Variants in FAM135B observed in about 807,000 individuals in gnomAD.
The protein encoded by FAM135B is family with sequence similarity 135 member B, also known as protein FAM135B.
In FAM135B, 43 loss-of-function variants were observed where a neutral mutation model predicts 127.7. The ratio of observed to expected loss-of-function variants is 0.34; its 90% CI spans 0.26 to 0.43. The LOEUF (loss-of-function observed/expected upper bound fraction) is 0.43. Ranked by LOEUF, FAM135B falls within the 20% of genes least tolerant of loss-of-function variation. The pLI is 1.00. For synonymous variants in FAM135B, 670 were observed against 665.1 expected, an observed-to-expected ratio of 1.01 and a Z score of -0.11; for missense variants, 1,558 against 1,725.6, an observed-to-expected ratio of 0.90 and a Z score of 1.72.
At chr8:138,142,959 C>A (rs754274515) in intron 16 of FAM135B, 53 bp downstream of exon 16, 25 of 939,938 alleles carry the variant, frequency 2.7e-5, no homozygotes, top group Admixed American at 5.1e-5. Context: ...AGCAAACACT[C>A]AAAAATGTCC....
chr8:138,315,799 T>C (rs1440791919), intron 2 of FAM135B, among the ~76,000 whole-genome samples: 1 of 152,076 alleles, frequency 6.6e-6, no homozygotes, highest in Non-Finnish European at 1.5e-5. Flanking sequence ...AGAACATTTT[T>C]AAAAAAGGAA....
At chr8:138,302,540 T>C (rs1253370705) in intron 3 of FAM135B, among the ~76,000 whole-genome samples, 1 of 150,234 alleles carries the variant, frequency 6.7e-6, no homozygotes, top group Non-Finnish European at 1.5e-5. Context: ...TGACTCCAAG[T>C]GAGCCAAAGT....
chr8:138,444,325 C>T (rs1835979218), intron 1 of FAM135B, among the ~76,000 whole-genome samples: 1 of 152,142 alleles, frequency 6.6e-6, no homozygotes, highest in Non-Finnish European at 1.5e-5. Context: ...CAGAACTCTC[C>T]ACCCCAAATC....
chr8:138,323,514 C>G (rs1381896464), intron 2 of FAM135B, among the ~76,000 whole-genome samples: 2 of 152,300 alleles, frequency 1.3e-5, no homozygotes, highest in African/African-American at 2.4e-5. Context: ...AGCAGGCTTT[C>G]TCCAGCCATG....
At chr8:138,142,226 AAG>A (rs1817227068) in intron 16 of FAM135B, among the ~76,000 whole-genome samples, 1 of 150,580 alleles carries the variant, frequency 6.6e-6, no homozygotes, top group Admixed American at 6.6e-5. Flanking sequence ...GGTACAGTGT[AAG>A]AATAAAAGTA....
intron 2 of FAM135B, among the ~76,000 whole-genome samples, chr8:138,344,811 G>A (rs1309485832): frequency 4.6e-5 from 7 of 152,004 alleles, no homozygotes; most frequent in Non-Finnish European, 7.4e-5. Flanking sequence ...TCCTGACCTC[G>A]TGATCTGCCT....
chr8:138,187,184 T>C (rs1341759851), intron 9 of FAM135B, among the ~76,000 whole-genome samples: 1 of 152,214 alleles, frequency 6.6e-6, no homozygotes. Flanking sequence ...TGGAAGGAAA[T>C]TAAAATTTCT....
At position 138,476,233 on chromosome 8, in the gene FAM135B, G is replaced by A. The variant is rs535095373; in HGVS notation, c.-20+20438C>T. 2.0e-5 allele frequency among the ~76,000 whole-genome samples: 3 copies of A among 152,158 alleles called. No individual in the cohort carries two copies. The South Asian group carries it at 6.2e-4, about 32-fold the overall frequency. ...GGGGATTGAAAAATGAAAAGGCAGAGGACAAGATTTTTAGAGCAGTGAAAC... is the reference window on the plus strand; with the variant it reads ...GGGGATTGAAAAATGAAAAGGCAGAAGACAAGATTTTTAGAGCAGTGAAAC... On this transcript the variant is annotated intron_variant, in intron 1 of 19. Transcript: ENST00000395297.
intron 1 of FAM135B, among the ~76,000 whole-genome samples, chr8:138,488,575 G>C (rs900326734): frequency 1.3e-5 from 2 of 152,196 alleles, no homozygotes; most frequent in Non-Finnish European, 2.9e-5. Flanking sequence ...CCAACCAGCA[G>C]TGTAGACACA....
intron 1 of FAM135B, among the ~76,000 whole-genome samples, 190 bp from the exon 2 acceptor site, chr8:138,368,192 C>T (rs1830882738): frequency 6.6e-6 from 1 of 152,196 alleles, no homozygotes; most frequent in South Asian, 2.1e-4. Flanking sequence ...CCTACTGTCA[C>T]AGCTTCTACC....
chr8:138,336,565 T>C (rs1828606821), intron 2 of FAM135B, among the ~76,000 whole-genome samples: 1 of 152,106 alleles, frequency 6.6e-6, no homozygotes, highest in African/African-American at 2.4e-5. Flanking sequence ...AGGAAGAAGT[T>C]GAATCTCTGA....
At chr8:138,461,964 G>A (rs1837148669) in intron 1 of FAM135B, among the ~76,000 whole-genome samples, 1 of 151,984 alleles carries the variant, frequency 6.6e-6, no homozygotes, top group African/African-American at 2.4e-5. Context: ...CAGATGAGCT[G>A]TCAGCCTTCT....
intron 12 of FAM135B, among the ~76,000 whole-genome samples, chr8:138,160,733 A>T (rs865907196): frequency 9.2e-5 from 14 of 152,032 alleles, no homozygotes; most frequent in African/African-American, 2.7e-4. Flanking sequence ...TTCATCAAGG[A>T]TTGTGCCCTT....
At chr8:138,261,887 A>C (rs1216641651) in intron 4 of FAM135B, among the ~76,000 whole-genome samples, 1 of 152,216 alleles carries the variant, frequency 6.6e-6, no homozygotes, top group Non-Finnish European at 1.5e-5. Flanking sequence ...TTTCTGGCCA[A>C]CTGGCTATCA....
intron 1 of FAM135B, among the ~76,000 whole-genome samples, chr8:138,491,502 G>T (rs1815197779): frequency 6.6e-6 from 1 of 152,134 alleles, no homozygotes. Flanking sequence ...CCCACAATTT[G>T]GAACATGTCA....
intron 3 of FAM135B, among the ~76,000 whole-genome samples, chr8:138,307,139 G>A (rs1238788215): frequency 6.6e-6 from 1 of 152,152 alleles, no homozygotes; most frequent in Admixed American, 6.5e-5. Flanking sequence ...TTGTGGGAGG[G>A]ACCCAGTGGG....
At chr8:138,460,091 A>G (rs899500692) in intron 1 of FAM135B, among the ~76,000 whole-genome samples, 1 of 152,220 alleles carries the variant, frequency 6.6e-6, no homozygotes, top group African/African-American at 2.4e-5. Flanking sequence ...CTGTACCAAT[A>G]GTTTAAGCCC....
At chr8:138,413,585 C>T (rs1833979731) in intron 1 of FAM135B, among the ~76,000 whole-genome samples, 1 of 152,168 alleles carries the variant, frequency 6.6e-6, no homozygotes, top group Admixed American at 6.5e-5. Flanking sequence ...ACCTTCAGTG[C>T]TTAATACTCT....
rs2131706740 is a variant in FAM135B at position 138,497,023 on chromosome 8, C to G, written c.-372G>C. ...GAGGCTGTCAGCGCGGTCGGGGGAA[C>G]GCAGCCGCCAGCGCCGCAAGAAAGC... On this transcript the variant is annotated 5_prime_UTR_variant, in exon 1 of 20. Transcript: ENST00000395297. Among the ~76,000 whole-genome samples, 1 of 152,080 alleles carries G rather than the reference C, an allele frequency of 6.6e-6. No homozygotes were observed. The highest frequency in any genetic ancestry group is 1.9e-4 in the East Asian group (1 of 5,132).
Sources: allele counts gnomAD v4.1 joint callset (sites outside exome capture counted in the v4.1 genomes callset), GRCh38; gene constraint gnomAD v4.1.1; transcripts MANE v1.5; gene names NCBI Gene and HGNC (gene_info 2026-07-23, HGNC 2026-07-21).